The following CCDC186 variants were observed in gnomAD, a reference collection of about 807,000 sequenced individuals.
The protein encoded by CCDC186 is coiled-coil domain containing 186.
In CCDC186, 49 loss-of-function variants were observed where a neutral mutation model predicts 113.7. The observed-to-expected ratio is 0.43, with a 90% confidence interval of 0.34 to 0.55. CCDC186 has a LOEUF of 0.55. CCDC186 is among the 20% of genes least tolerant of loss of function. CCDC186 has a pLI of 0.02. For synonymous variants in CCDC186, 355 were observed against 345.8 expected (o/e 1.03, Z -0.30); for missense variants, 890 against 1,011.1 (o/e 0.88, Z 1.62).
At position 114,123,001 on chromosome 10, in the gene CCDC186, G is replaced by GC. The variant is rs1337278711; in HGVS notation, c.*2141dup. The GC allele has an allele frequency of 6.6e-6, 1 of 152,146 alleles. No homozygotes were observed. Among genetic ancestry groups the GC allele is most frequent in the Non-Finnish European group, 1.5e-5 (1 of 67,978 alleles). The allele number at this position is 152,146 out of a possible 1,614,324, so 9.4% of individuals were successfully genotyped here. A position where few individuals can be genotyped will look rare whatever the true frequency, so the allele number is the denominator to read the frequency against. ...TGTATATACATTTTAAAGTGTATAG[G>GC]CATAGGATACTATGGATCAGATCAC... is the stretch of plus-strand genomic sequence containing the variant. On this transcript the variant is annotated 3_prime_UTR_variant, in exon 16 of 16. Coordinates refer to ENST00000369287, the MANE Select transcript of CCDC186 (RefSeq NM_018017.4).
At chr10:114,131,476 T>C (rs1383382975) in intron 11 of CCDC186, 140 bp from the exon 12 acceptor site, 2 of 705,394 alleles carry the variant, frequency 2.8e-6, no homozygotes, top group Admixed American at 7.7e-5. Context: ...TTTGTTTACT[T>C]GAGCTTCTCA....
chr10:114,164,697 A>G (rs2032285053), intron 1 of CCDC186, among the ~76,000 whole-genome samples: 1 of 152,198 alleles, frequency 6.6e-6, no homozygotes, highest in Non-Finnish European at 1.5e-5. Context: ...ACTAATGGAA[A>G]ATAGCTCTAG....
Position 114,121,266 on chromosome 10 carries a change from TG to T in CCDC186, c.*3876del, listed in dbSNP as rs2030713693. ...CAACAATCTTGGTGTCAAAAAAAAT[TG>T]CTTTTAAAAAAAGGTTATTGAAAAA... On this transcript the variant is annotated 3_prime_UTR_variant, in exon 16 of 16. Coordinates refer to ENST00000369287, the MANE Select transcript of CCDC186 (RefSeq NM_018017.4). 6.6e-6 allele frequency: 1 copy of T among 152,180 alleles called. No homozygotes were observed. The highest frequency in any genetic ancestry group is 2.4e-5 in the African/African-American group (1 of 41,446). The allele number at this position is 152,180 out of a possible 1,614,324, so 9.4% of individuals were successfully genotyped here. A position where few individuals can be genotyped will look rare whatever the true frequency, so the allele number is the denominator to read the frequency against.
At chr10:114,126,628 T>C (rs2030911829) in intron 14 of CCDC186, among the ~76,000 whole-genome samples, 1 of 152,232 alleles carries the variant, frequency 6.6e-6, no homozygotes, top group African/African-American at 2.4e-5. Context: ...GTGCTGGGAT[T>C]ACAGGTGTGA....
chr10:114,125,150 T>TA lies in CCDC186; in HGVS notation c.2689_2690insT (p.Lys897IlefsTer22). On this transcript the variant is annotated frameshift_variant, in exon 16 of 16. Coordinates refer to ENST00000369287, the MANE Select transcript of CCDC186 (RefSeq NM_018017.4). LOFTEE classifies it high-confidence loss of function. ...CTGAGCAAGAGGCTTGTTTTAGGTT[T>TA]TCTTTGTCCTCTGTTCTAGTTCATG... is the stretch of plus-strand genomic sequence containing the variant. 1 of 1,604,822 alleles carries TA rather than the reference T, an allele frequency of 6.2e-7. No individual in the cohort carries two copies. Among genetic ancestry groups the TA allele is most frequent in the South Asian group, 1.1e-5 (1 of 89,970 alleles).
rs545890590 is a variant in CCDC186 at position 114,146,049 on chromosome 10, T to A, written c.889-288A>T. ...TCCAGATCCCCTTTCCCACTTTTTTTAAATCCCAACTGGTGTCCCAGGAAC... is the reference window on the plus strand; with the variant it reads ...TCCAGATCCCCTTTCCCACTTTTTTAAAATCCCAACTGGTGTCCCAGGAAC... On this transcript the variant is annotated intron_variant, in intron 4 of 15. Transcript: ENST00000369287. Among the ~76,000 whole-genome samples the A allele has an allele frequency of 3.3e-5, 5 of 152,336 alleles. No individual in the cohort carries two copies. In the East Asian group the frequency reaches 5.8e-4, roughly 18 times the overall value.
intron 1 of CCDC186, among the ~76,000 whole-genome samples, chr10:114,173,637 C>T (rs112630549): frequency 6.6e-6 from 1 of 152,188 alleles, no homozygotes; most frequent in African/African-American, 2.4e-5. Context: ...ACGAAATAGG[C>T]GATTGAGTCT....
At chr10:114,149,689 GAAAA>G (rs2031768884) in intron 4 of CCDC186, among the ~76,000 whole-genome samples, 1 of 232 alleles carries the variant, frequency 4.3e-3, no homozygotes, top group Non-Finnish European at 9.6e-3. Context: ...AGGGAGGAAA[GAAAA>G]GAATGGAATG....
chr10:114,152,018 G>T (rs1217651738), intron 3 of CCDC186, among the ~76,000 whole-genome samples: 1 of 152,104 alleles, frequency 6.6e-6, no homozygotes, highest in East Asian at 1.9e-4. Flanking sequence ...AACTTCAAAA[G>T]TTATGGCCAC....
chr10:114,166,926 A>T (rs2119819314), intron 1 of CCDC186, among the ~76,000 whole-genome samples: 1 of 152,094 alleles, frequency 6.6e-6, no homozygotes, highest in Non-Finnish European at 1.5e-5. Context: ...AAAGGCAAGT[A>T]CTTTCTGTAA....
intron 13 of CCDC186, among the ~76,000 whole-genome samples, chr10:114,129,686 C>T (rs939985621): frequency 4.6e-5 from 7 of 152,080 alleles, no homozygotes; most frequent in Non-Finnish European, 1.0e-4. Context: ...TGAGCTACCA[C>T]ACTCAGCTGA....
intron 6 of CCDC186, among the ~76,000 whole-genome samples, chr10:114,142,000 T>C (rs1263827666): frequency 6.6e-6 from 1 of 152,220 alleles, no homozygotes; most frequent in South Asian, 2.1e-4. Flanking sequence ...TAATACAATA[T>C]AGTCAATAGA....
intron 11 of CCDC186, 29 bp from the exon 12 acceptor site, chr10:114,131,365 A>G: frequency 6.6e-7 from 1 of 1,505,940 alleles, no homozygotes; most frequent in Non-Finnish European, 8.9e-7. Flanking sequence ...AAAAACCACC[A>G]ATTTTAGTAT....
chr10:114,162,090 G>C (rs1173189630), intron 2 of CCDC186: 1 of 152,194 alleles, frequency 6.6e-6, no homozygotes, highest in East Asian at 1.9e-4. Flanking sequence ...AAGTTCTGCA[G>C]ATTGGTTGTC....
At chr10:114,137,151 A>T in intron 7 of CCDC186, 35 bp downstream of exon 7, 1 of 1,491,810 alleles carries the variant, frequency 6.7e-7, no homozygotes, top group Non-Finnish European at 9.3e-7. Flanking sequence ...ATTTGCTAAA[A>T]TTTGATACTA....
chr10:114,139,991 A>G (rs929134720), intron 6 of CCDC186, among the ~76,000 whole-genome samples: 1 of 152,228 alleles, frequency 6.6e-6, no homozygotes, highest in African/African-American at 2.4e-5. Flanking sequence ...TGGTTAAGGT[A>G]TTGACTGTGT....
intron 3 of CCDC186, among the ~76,000 whole-genome samples, chr10:114,153,744 C>T (rs1245097664): frequency 2.0e-5 from 3 of 149,210 alleles, no homozygotes; most frequent in Non-Finnish European, 3.0e-5. Flanking sequence ...CAAGATCACG[C>T]CACTGCACTC....
chr10:114,146,434 C>T (rs757996927), intron 4 of CCDC186, among the ~76,000 whole-genome samples: 1 of 152,160 alleles, frequency 6.6e-6, no homozygotes, highest in Non-Finnish European at 1.5e-5. Context: ...GTATAGCCGA[C>T]AATTTCTAAA....
In CCDC186 at chr10:114,154,774, C is replaced by T. The variant is rs189014850; in HGVS notation, c.759+2780G>A. Among the ~76,000 whole-genome samples, 6 of 152,328 alleles carry T rather than the reference C, an allele frequency of 3.9e-5. No individual in the cohort carries two copies. In the South Asian group the frequency reaches 1.2e-3, roughly 32 times the overall value. Reference sequence around the variant, plus strand: ...ATAAAAACTAGCACGTGAATGTTCACAGTGGTATTATTCATAATAGTCAAA... The same window carrying T: ...ATAAAAACTAGCACGTGAATGTTCATAGTGGTATTATTCATAATAGTCAAA... On this transcript the variant is annotated intron_variant, in intron 3 of 15. Coordinates refer to ENST00000369287, the MANE Select transcript of CCDC186 (RefSeq NM_018017.4).
Sources: allele counts gnomAD v4.1 joint callset (sites outside exome capture counted in the v4.1 genomes callset), GRCh38; gene constraint gnomAD v4.1.1; transcripts MANE v1.5; gene names NCBI Gene and HGNC (gene_info 2026-07-23, HGNC 2026-07-21).